Variants in RYR2 observed in about 807,000 individuals in gnomAD.
RYR2 encodes ryanodine receptor 2, also known as cardiac muscle ryanodine receptor-calcium release channel.
Under a neutral mutation model 601.1 loss-of-function variants are expected in RYR2, and 227 were observed. That is an observed-to-expected ratio of 0.38 (90% CI 0.34 to 0.42). RYR2 has a LOEUF of 0.42. RYR2 is among the 10% of genes least tolerant of loss of function. RYR2 has a pLI of 1.00. For synonymous variants in RYR2, 2,223 were observed against 2,175.1 expected, an observed-to-expected ratio of 1.02 and a Z score of -0.61; for missense variants, 4,646 against 6,156.5, an observed-to-expected ratio of 0.75 and a Z score of 8.21.
intron 24 of RYR2, among the ~76,000 whole-genome samples, chr1:237,520,394 G>A (rs1050084315): frequency 6.6e-6 from 1 of 152,062 alleles, no homozygotes; most frequent in Non-Finnish European, 1.5e-5. Flanking sequence ...GTTCTTACAG[G>A]GAAAGTTTTC....
chr1:237,425,548 C>T (rs1043825928), intron 12 of RYR2, among the ~76,000 whole-genome samples: 1 of 151,854 alleles, frequency 6.6e-6, no homozygotes, highest in African/African-American at 2.4e-5. Context: ...GCAGGAGAAT[C>T]GCTTGAACTC....
intron 79 of RYR2, among the ~76,000 whole-genome samples, chr1:237,740,175 C>T (rs1186708898): frequency 1.3e-5 from 2 of 152,138 alleles, no homozygotes; most frequent in Non-Finnish European, 2.9e-5. Context: ...AAGAACATAT[C>T]TTTTGTTCCA....
In RYR2 at chr1:237,791,724, T is replaced by C. The variant is rs115005895; in HGVS notation, c.13563+209T>C. The C allele has an allele frequency of 1.8e-3, 1,021 of 574,884 alleles. 9 individuals are homozygous for C. Among genetic ancestry groups the C allele is most frequent in the African/African-American group, 0.016 (876 of 53,556 alleles). The allele number at this position is 574,884 out of a possible 1,614,324, so 35.6% of individuals were successfully genotyped here. The stretch of plus-strand genomic sequence containing the variant: ...TGAGAAATGCCTCAACTGAAGGGCA[T>C]TTGATTTAGCAGAGGGCTTCCCCAC... On this transcript the variant is annotated intron_variant, in intron 93 of 104. Transcript: ENST00000366574.
chr1:237,222,119 A>C (rs1311487220), intron 1 of RYR2, among the ~76,000 whole-genome samples: 2 of 152,144 alleles, frequency 1.3e-5, no homozygotes, highest in Admixed American at 1.3e-4. Flanking sequence ...AGAATGTATC[A>C]AAATAGAAGC....
intron 54 of RYR2, 144 bp downstream of exon 54, chr1:237,658,166 A>G (rs1683431820): frequency 4.5e-6 from 2 of 441,252 alleles, no homozygotes; most frequent in Non-Finnish European, 8.1e-6. Flanking sequence ...ATTAGCTTAT[A>G]TAATAATATA....
chr1:237,755,238 G>T, intron 80 of RYR2: 1 of 437,260 alleles, frequency 2.3e-6, no homozygotes, highest in South Asian at 2.4e-5. Flanking sequence ...TCTGTAACTA[G>T]CAAGCCTTCA....
At chr1:237,646,692 G>C (rs576319599) in intron 48 of RYR2, among the ~76,000 whole-genome samples, 7 of 152,250 alleles carry the variant, frequency 4.6e-5, no homozygotes, top group East Asian at 1.9e-4. Flanking sequence ...AAGAAGGAGG[G>C]GTTCAGAAAA....
chr1:237,411,959 A>G (rs1209032920), intron 10 of RYR2, among the ~76,000 whole-genome samples: 2 of 152,172 alleles, frequency 1.3e-5, no homozygotes, highest in Non-Finnish European at 2.9e-5. Context: ...ATTCTGTACT[A>G]AAGTCCACTA....
chr1:237,227,384 G>A (rs552073939), intron 1 of RYR2, among the ~76,000 whole-genome samples: 120 of 152,144 alleles, frequency 7.9e-4, no homozygotes, highest in Non-Finnish European at 1.4e-3. Flanking sequence ...GAAAGCAGCC[G>A]TAGTCTATGC....
At chr1:237,196,467 G>A (rs997317221) in intron 1 of RYR2, among the ~76,000 whole-genome samples, 4 of 151,968 alleles carry the variant, frequency 2.6e-5, no homozygotes, top group African/African-American at 9.7e-5. Flanking sequence ...AATTTTCTAG[G>A]TTTTACTTTT....
At chr1:237,577,509 T>C (rs1281590336) in intron 29 of RYR2, among the ~76,000 whole-genome samples, 4 of 58,550 alleles carry the variant, frequency 6.8e-5, no homozygotes, top group Admixed American at 6.3e-4. Flanking sequence ...TCTGTGTGTG[T>C]GTGTGTGTGT....
chr1:237,645,555 A>G (rs772285738), intron 48 of RYR2, among the ~76,000 whole-genome samples: 2 of 152,238 alleles, frequency 1.3e-5, no homozygotes, highest in African/African-American at 2.4e-5. Flanking sequence ...TTGTAATAAC[A>G]TAATAACAAA....
In RYR2 at chr1:237,602,100, G is replaced by T; in HGVS notation, c.4672G>T (p.Gly1558Ter). 6.2e-7 allele frequency: 1 copy of T among 1,611,848 alleles called. No homozygotes were observed. Among genetic ancestry groups the T allele is most frequent in the South Asian group, 1.1e-5 (1 of 90,682 alleles). Residue 1558 changes from glycine (G) to a stop codon, truncating the protein, a stop_gained, in exon 35 of 105, where the codon GGA becomes TGA. Coordinates refer to ENST00000366574, the MANE Select transcript of RYR2 (RefSeq NM_001035.3). LOFTEE classifies it high-confidence loss of function. ...TCCCAATGTTTTCCAGTTTGAGTTG[G>T]GAAGAATAAAGGTAATAAAACTTAT... ...TSPNVFQFELGRIKNVMPLSA... is the reference protein window; with the variant it reads ...TSPNVFQFEL
At chr1:237,167,619 T>C (rs1676855114) in intron 1 of RYR2, among the ~76,000 whole-genome samples, 1 of 152,176 alleles carries the variant, frequency 6.6e-6, no homozygotes, top group South Asian at 2.1e-4. Context: ...AAAATTTTTT[T>C]GGAAGTTGAT....
chr1:237,481,800 G>T (rs1662124118), intron 17 of RYR2, among the ~76,000 whole-genome samples: 1 of 118,144 alleles, frequency 8.5e-6, no homozygotes. Flanking sequence ...CCTCACCATT[G>T]CTGTGTAGCA....
chr1:237,148,531 T>TATATATATATATATATATACACACACAC (rs1558319989), intron 1 of RYR2, among the ~76,000 whole-genome samples: 1 of 77,576 alleles, frequency 1.3e-5, no homozygotes, highest in Non-Finnish European at 2.4e-5. Context: ...AAAAAAAATA[T>TATATATATATATATATATACACACACAC]ATATATATAT....
intron 80 of RYR2, among the ~76,000 whole-genome samples, chr1:237,744,349 T>TAAAAA (rs752916603): frequency 1.1e-4 from 16 of 141,074 alleles, no homozygotes; most frequent in Non-Finnish European, 2.0e-4. Context: ...TTTGTTTGTT[T>TAAAAA]AAAAAAAAAA....
At chr1:237,533,649 G>A (rs182247879) in intron 25 of RYR2, among the ~76,000 whole-genome samples, 102 of 152,238 alleles carry the variant, frequency 6.7e-4, no homozygotes, top group African/African-American at 2.3e-3. Flanking sequence ...GTGATGCAAT[G>A]TAAAACCATC....
intron 42 of RYR2, 72 bp downstream of exon 42, chr1:237,631,613 ATTTTTTTTTTTTTTTTT>A (rs556269614): frequency 5.4e-4 from 112 of 208,462 alleles, no homozygotes; most frequent in East Asian, 1.6e-3. Context: ...TAGAATGCAG[ATTTTTTTTTTTTTTTTT>A]TTTTTTTTTT....
Sources: gnomAD v4.1 joint callset for allele counts (sites outside exome capture counted in the v4.1 genomes callset) on GRCh38, gnomAD v4.1.1 for gene constraint, MANE v1.5 for transcripts, NCBI Gene and HGNC (gene_info 2026-07-23, HGNC 2026-07-21) for gene names.